Variants in DCDC2 observed in about 807,000 individuals in gnomAD.
The protein encoded by DCDC2 is doublecortin domain containing 2.
DCDC2 carries 40 observed loss-of-function variants against 50.2 expected under a neutral mutation model. The observed-to-expected ratio is 0.80, with a 90% CI of 0.62 to 1.04. The LOEUF is 1.04. DCDC2 is among the 50% of genes least tolerant of loss of function. DCDC2 has a pLI of 0.00. For synonymous variants in DCDC2, 234 were observed against 210.6 expected, an observed-to-expected ratio of 1.11 and a Z score of -0.96; for missense variants, 570 against 581.9, an observed-to-expected ratio of 0.98 and a Z score of 0.21.
At chr6:24,243,821 G>A (rs1427839093) in intron 7 of DCDC2, among the ~76,000 whole-genome samples, 1 of 152,160 alleles carries the variant, frequency 6.6e-6, no homozygotes, top group Non-Finnish European at 1.5e-5. Context: ...CCAAACCACA[G>A]GAATGGGAAT....
intron 7 of DCDC2, among the ~76,000 whole-genome samples, chr6:24,207,163 T>C (rs983108913): frequency 1.3e-5 from 2 of 152,036 alleles, no homozygotes; most frequent in Non-Finnish European, 2.9e-5. Flanking sequence ...ACTTGGAAGG[T>C]GAAAAAATAA....
intron 7 of DCDC2, 117 bp downstream of exon 7, chr6:24,277,932 C>A (rs1763395181): frequency 3.5e-6 from 3 of 849,868 alleles, no homozygotes; most frequent in Non-Finnish European, 5.2e-6. Flanking sequence ...ATACAATTTT[C>A]TTTGAAAACT....
chr6:24,183,536 G>A (rs13211834), intron 8 of DCDC2, among the ~76,000 whole-genome samples: 59 of 152,214 alleles, frequency 3.9e-4, no homozygotes, highest in Non-Finnish European at 6.5e-4. Flanking sequence ...GGTTCCCCAC[G>A]AACAAGTCAG....
intron 5 of DCDC2, among the ~76,000 whole-genome samples, chr6:24,289,695 T>C (rs576285379): frequency 3.3e-5 from 5 of 152,280 alleles, no homozygotes; most frequent in South Asian, 2.1e-4. Context: ...TAGAAAACCA[T>C]GTGCTCTTGC....
intron 6 of DCDC2, among the ~76,000 whole-genome samples, chr6:24,282,255 G>GTTT (rs77118658): frequency 0.021 from 3,138 of 149,612 alleles, 42 homozygotes; most frequent in Middle Eastern, 0.045. Flanking sequence ...TTTTTGTTTT[G>GTTT]TTTTTTTTTG....
At chr6:24,294,367 TAGAA>T (rs929710057) in intron 4 of DCDC2, among the ~76,000 whole-genome samples, 90 of 151,906 alleles carry the variant, frequency 5.9e-4, no homozygotes, top group East Asian at 3.3e-3. Flanking sequence ...AAAAAAAAGT[TAGAA>T]AGATCTCAAA....
rs988329591 is a variant in DCDC2, at chr6:24,257,248, T to C, written c.922+20801A>G. Among the ~76,000 whole-genome samples the C allele has an allele frequency of 2.6e-5, 4 of 152,244 alleles. No homozygotes were observed. In the East Asian group the frequency reaches 7.7e-4, roughly 29 times the overall value. ...ATAACTGGAATGCCTAACCTTCAAA[T>C]AAAAACATGGCAAAAAGTACACAAT... is the stretch of plus-strand genomic sequence containing the variant. On this transcript the variant is annotated intron_variant, in intron 7 of 9. Coordinates refer to ENST00000378454, the MANE Select transcript of DCDC2 (RefSeq NM_016356.5).
rs1260445882 is a variant in DCDC2 at position 24,291,035 on chromosome 6, A to T, written c.601T>A (p.Leu201Met). The T allele has an allele frequency of 6.2e-7, 1 of 1,613,766 alleles. No individual in the cohort carries two copies. The highest frequency in any genetic ancestry group is 8.5e-7 in the Non-Finnish European group (1 of 1,179,920). Residue 201 changes from leucine to methionine, a missense_variant, in exon 5 of 10, where the codon TTG becomes ATG. Coordinates refer to ENST00000378454, the MANE Select transcript of DCDC2 (RefSeq NM_016356.5). Reference sequence around the variant, plus strand: ...GCCACATAAAACTGCCCATTCTCCAACTCTGCTCCACTCTCAACAAGTTTT... The same window carrying T: ...GCCACATAAAACTGCCCATTCTCCATCTCTGCTCCACTCTCAACAAGTTTT... ...EGKLVESGAELENGQFYVAVG... is the reference protein window; with the variant it reads ...EGKLVESGAEMENGQFYVAVG...
chr6:24,220,534 A>T (rs1038282676), intron 7 of DCDC2, among the ~76,000 whole-genome samples: 4 of 152,234 alleles, frequency 2.6e-5, no homozygotes, highest in African/African-American at 7.2e-5. Context: ...CAAATTATGC[A>T]GTCAGCCCTG....
At chr6:24,306,034 A>T (rs934344124) in intron 2 of DCDC2, among the ~76,000 whole-genome samples, 1 of 152,126 alleles carries the variant, frequency 6.6e-6, no homozygotes, top group Admixed American at 6.6e-5. Flanking sequence ...GTCTCAAAAA[A>T]AAAAGAAAGG....
At chr6:24,275,368 A>C (rs773654801) in intron 7 of DCDC2, among the ~76,000 whole-genome samples, 2 of 152,236 alleles carry the variant, frequency 1.3e-5, no homozygotes, top group Non-Finnish European at 2.9e-5. Context: ...TAATATGCTT[A>C]AAGTTATCAA....
At chr6:24,179,779 C>T (rs954763303) in intron 8 of DCDC2, among the ~76,000 whole-genome samples, 4 of 150,040 alleles carry the variant, frequency 2.7e-5, no homozygotes, top group Non-Finnish European at 4.4e-5. Flanking sequence ...ACGGTGAAAC[C>T]CCATCTCTAC....
chr6:24,276,649 T>C (rs1020738874), intron 7 of DCDC2, among the ~76,000 whole-genome samples: 3 of 152,122 alleles, frequency 2.0e-5, no homozygotes, highest in Non-Finnish European at 4.4e-5. Flanking sequence ...TTATTTTTAG[T>C]GTTCAAGGTA....
intron 7 of DCDC2, among the ~76,000 whole-genome samples, chr6:24,268,106 A>G (rs1763164199): frequency 6.6e-6 from 1 of 152,216 alleles, no homozygotes; most frequent in African/African-American, 2.4e-5. Flanking sequence ...ATCCTGTAGC[A>G]GAGACAATGA....
chr6:24,306,431 G>C (rs1738961259), intron 2 of DCDC2, among the ~76,000 whole-genome samples: 1 of 151,904 alleles, frequency 6.6e-6, no homozygotes, highest in Admixed American at 6.6e-5. Flanking sequence ...ATTAGAGAGA[G>C]GAGTCATTCT....
chr6:24,244,904 T>C (rs535928207), intron 7 of DCDC2, among the ~76,000 whole-genome samples: 3 of 152,238 alleles, frequency 2.0e-5, no homozygotes, highest in African/African-American at 7.2e-5. Flanking sequence ...GAACTCAAGA[T>C]TTTTATGTGG....
intron 7 of DCDC2, among the ~76,000 whole-genome samples, chr6:24,225,266 G>A (rs192321237): frequency 4.8e-4 from 73 of 152,204 alleles, no homozygotes; most frequent in Admixed American, 7.8e-4. Flanking sequence ...TTAGATATAC[G>A]ATGATAATGA....
At chr6:24,281,691 TTCTG>T (rs1305846143) in intron 6 of DCDC2, among the ~76,000 whole-genome samples, 6 of 152,128 alleles carry the variant, frequency 3.9e-5, no homozygotes, top group African/African-American at 1.4e-4. Flanking sequence ...AGCTTTTTCT[TTCTG>T]TAAGGCTTCC....
At chr6:24,334,126 T>C (rs942865819) in intron 2 of DCDC2, among the ~76,000 whole-genome samples, 6 of 152,222 alleles carry the variant, frequency 3.9e-5, no homozygotes, top group Non-Finnish European at 8.8e-5. Context: ...TTTAAATAAT[T>C]CCATAGTCCC....
Sources: allele counts gnomAD v4.1 joint callset (sites outside exome capture counted in the v4.1 genomes callset), GRCh38; gene constraint gnomAD v4.1.1; transcripts MANE v1.5; gene names NCBI Gene and HGNC (gene_info 2026-07-23, HGNC 2026-07-21).